COX11: variants seen among roughly 807,000 people sequenced by gnomAD.
COX11 encodes cytochrome c oxidase copper chaperone COX11, also known as cytochrome c oxidase assembly protein COX11, mitochondrial.
Under a neutral mutation model 29.4 loss-of-function variants are expected in COX11, and 18 were observed. That is an observed-to-expected ratio of 0.61 (90% CI 0.42 to 0.91). The LOEUF is 0.91. COX11 is among the 40% of genes least tolerant of loss of function. COX11 has a pLI of 0.00. For synonymous variants in COX11, 131 were observed against 124.0 expected (o/e 1.06, Z -0.38); for missense variants, 312 against 346.0 (o/e 0.90, Z 0.78).
upstream of COX11, chr17:54,968,717 C>G (rs917171520): frequency 6.6e-7 from 1 of 1,522,498 alleles, no homozygotes; most frequent in Non-Finnish European, 8.8e-7. Flanking sequence ...TGCTCCGTCT[C>G]GCGAGATCTG....
rs1310473186 is a variant in COX11 at position 54,967,042 on chromosome 17, G to GCGCACACA, written c.366+1238_366+1239insTGTGTGCG. On this transcript the variant is annotated intron_variant, in intron 1 of 3. Coordinates refer to ENST00000299335, the MANE Select transcript of COX11 (RefSeq NM_004375.5). Reference sequence around the variant, plus strand: ...TAAATAAATAAACGTGCGCGCGCGCGCACACACACACACACACACACACAC... The same window carrying GCGCACACA: ...TAAATAAATAAACGTGCGCGCGCGCGCGCACACACACACACACACACACACACACACAC... 8.6e-3 allele frequency among the ~76,000 whole-genome samples: 822 copies of GCGCACACA among 96,044 alleles called. 7 individuals are homozygous for GCGCACACA. Among genetic ancestry groups the GCGCACACA allele is most frequent in the East Asian group, 0.067 (270 of 4,020 alleles). 63.0% of individuals were successfully genotyped at this position (96,044 alleles called of 152,430 possible).
At chr17:54,958,895 T>C (rs939076113), downstream of COX11, among the ~76,000 whole-genome samples, 3 of 151,918 alleles carry the variant, frequency 2.0e-5, no homozygotes, top group African/African-American at 7.3e-5. Context: ...GAAGGAGAGG[T>C]TGAAGACTCA....
downstream of COX11, chr17:54,956,957 T>G (rs1265647106): frequency 6.6e-6 from 1 of 152,156 alleles, no homozygotes; most frequent in Non-Finnish European, 1.5e-5. Flanking sequence ...AGCTATAGCA[T>G]CTCCCAGGGT....
At position 54,968,401 on chromosome 17, in the gene COX11, G is replaced by T; in HGVS notation, c.246C>A (p.Arg82=). ...GCCGCCGCCGCTCCTCCTCCTGCGC[G>T]CGTGTGAAAGGGTTCGAGCTCTTAG... The part of the protein sequence containing the change: ...RRPKSSNPFT[R]AQEEERRRQN... Residue 82 remains arginine (R), a synonymous_variant, in exon 1 of 4, where the codon CGC becomes CGA. Transcript: ENST00000299335. The T allele has an allele frequency of 1.9e-6, 3 of 1,613,382 alleles. No homozygotes were observed. Among genetic ancestry groups the T allele is most frequent in the Non-Finnish European group, 2.5e-6 (3 of 1,180,002 alleles).
At position 54,968,622 on chromosome 17, in the gene COX11, A is replaced by G. The variant is rs748702780; in HGVS notation, c.25T>C (p.Trp9Arg). Reference protein sequence around the residue: MGGLWRPGWRCVPFCGWRW... With the variant: MGGLWRPGRRCVPFCGWRW... ...CAGCCACAGAAAGGAACGCACCTCC[A>G]TCCAGGACGCCAGAGCCCTCCCATA... Residue 9 changes from tryptophan (W) to arginine (R), a missense_variant, in exon 1 of 4, where the codon TGG becomes CGG. Trp to Arg is a moderately radical substitution (Grantham distance 101, BLOSUM62 -3). Coordinates refer to ENST00000299335, the MANE Select transcript of COX11 (RefSeq NM_004375.5). 18 of 1,612,586 alleles carry G rather than the reference A, an allele frequency of 1.1e-5. No homozygotes were observed. The South Asian group carries it at 1.9e-4, about 17-fold the overall frequency.
At chr17:54,966,069 T>A (rs1300760703) in intron 1 of COX11, among the ~76,000 whole-genome samples, 1 of 152,212 alleles carries the variant, frequency 6.6e-6, no homozygotes, top group Non-Finnish European at 1.5e-5. Context: ...TTACATTATA[T>A]CCCTAAAAGA....
chr17:54,958,592 G>A (rs568510118), downstream of COX11, among the ~76,000 whole-genome samples: 12 of 152,240 alleles, frequency 7.9e-5, no homozygotes, highest in East Asian at 1.9e-4. Flanking sequence ...TTAGCCAGGC[G>A]TGGTAGCGGG....
intron 1 of COX11, among the ~76,000 whole-genome samples, chr17:54,965,775 G>A (rs947629852): frequency 8.7e-5 from 13 of 149,148 alleles, no homozygotes; most frequent in African/African-American, 2.5e-4. Flanking sequence ...AGGTTGCAGT[G>A]AGCCGAGATC....
Position 54,963,309 on chromosome 17 carries a change from T to C in COX11, c.645A>G (p.Ile215Met). 1.2e-6 allele frequency: 2 copies of C among 1,609,830 alleles called. No homozygotes were observed. The highest frequency in any genetic ancestry group is 2.2e-5 in the South Asian group (2 of 90,282). The change falls in exon 3 of 4, where the codon ATA becomes ATG. Residue 215 changes from isoleucine to methionine, a missense_variant. Around this residue, in one of 2 missense-constraint regions of COX11, gnomAD observed 182 missense variants for 240.0 expected, o/e 0.76. Coordinates refer to ENST00000299335, the MANE Select transcript of COX11 (RefSeq NM_004375.5). ...TAAAGTTTACACTTTGATGTACCTG[T>C]ATTTTATTGAAATACTGTCCAGCTT... Reference protein sequence around the residue: ...PFEAGQYFNKIQCFCFEEQRL... With the variant: ...PFEAGQYFNKMQCFCFEEQRL...
In COX11 at chr17:54,964,745, C is replaced by A. The variant is rs1279068424; in HGVS notation, c.474G>T (p.Val158=). The part of the protein sequence containing the change: ...RIIKISFNAD[V]HASLQWNFRP... ...TAAAGTTCCACTGGAGACTTGCATG[C>A]ACATCTGCATTAAAGCTAATTTTAA... Residue 158 remains valine, a synonymous_variant, in exon 2 of 4, where the codon GTG becomes GTT. Coordinates refer to ENST00000299335, the MANE Select transcript of COX11 (RefSeq NM_004375.5). The A allele has an allele frequency of 3.1e-6, 5 of 1,613,964 alleles. No homozygotes were observed. Among genetic ancestry groups the A allele is most frequent in the Non-Finnish European group, 4.2e-6 (5 of 1,179,928 alleles).
In COX11 at chr17:54,961,184, G is replaced by C. The variant is rs2077114190; in HGVS notation, c.*1549C>G. On this transcript the variant is annotated 3_prime_UTR_variant, in exon 4 of 4. Coordinates refer to ENST00000299335, the MANE Select transcript of COX11 (RefSeq NM_004375.5). ...AGACAAGAGAGTTATCAAGGAATGG[G>C]GAAAGAGAAGGACAGGATGAATACT... The C allele has an allele frequency of 1.7e-6, 2 of 1,209,608 alleles. No homozygotes were observed. The highest frequency in any genetic ancestry group is 2.4e-6 in the Non-Finnish European group (2 of 836,300). The allele number at this position is 1,209,608 out of a possible 1,614,324, so 74.9% of individuals were successfully genotyped here.
Position 54,964,783 on chromosome 17 carries a change from T to G in COX11, c.436A>C (p.Lys146Gln). 1 of 1,613,956 alleles carries G rather than the reference T, an allele frequency of 6.2e-7. No homozygotes were observed. The highest frequency in any genetic ancestry group is 8.5e-7 in the Non-Finnish European group (1 of 1,179,946). The change falls in exon 2 of 4, where the codon AAA (lysine) becomes CAA (glutamine). Residue 146 changes from lysine (K) to glutamine (Q), a missense_variant. Lys to Gln is a moderately conservative substitution (Grantham distance 53). Transcript: ENST00000299335. ...AAGCTAATTTTAATGATTCGATCTT[T>G]AACAGGCACCATGTTTTCAATCTTG... Reference protein sequence around the residue: ...SDKIENMVPVKDRIIKISFNA... With the variant: ...SDKIENMVPVQDRIIKISFNA...
chr17:54,963,263 A>C (rs775681804), intron 3 of COX11, 43 bp downstream of exon 3: 1 of 1,577,672 alleles, frequency 6.3e-7, no homozygotes, highest in South Asian at 1.2e-5. Context: ...AAACCGTTTC[A>C]TGTATCTTTA....
chr17:54,955,279 G>C (rs546820212), upstream of COX11: 18 of 152,382 alleles, frequency 1.2e-4, no homozygotes, highest in African/African-American at 4.3e-4. Context: ...ATCTCATGGA[G>C]ACAATGAAGT....
At chr17:54,966,050 A>T (rs888550532) in intron 1 of COX11, among the ~76,000 whole-genome samples, 8 of 152,236 alleles carry the variant, frequency 5.3e-5, no homozygotes, top group Non-Finnish European at 1.2e-4. Flanking sequence ...GCCATGCAAC[A>T]TTACTGAATT....
rs2077122962 is a variant in COX11 at position 54,961,444 on chromosome 17, T to C, written c.*1289A>G. 3 of 1,497,168 alleles carry C rather than the reference T, an allele frequency of 2.0e-6. No homozygotes were observed. The highest frequency in any genetic ancestry group is 4.7e-5 in the Admixed American group (2 of 42,518). 92.7% of individuals were successfully genotyped at this position (1,497,168 alleles called of 1,614,324 possible). On this transcript the variant is annotated 3_prime_UTR_variant, in exon 4 of 4. Transcript: ENST00000299335. ...AGCGTGAGATTTCAACAGAACTTGT[T>C]TGGAACAAATACTCACTTAAAACTT...
chr17:54,958,816 T>C (rs1324525354), downstream of COX11, among the ~76,000 whole-genome samples: 2 of 151,546 alleles, frequency 1.3e-5, no homozygotes, highest in Non-Finnish European at 2.9e-5. Context: ...AAGGCTGTAC[T>C]TTGTATAAAA....
At chr17:54,959,201 G>C (rs1192123120), downstream of COX11, 1 of 152,180 alleles carries the variant, frequency 6.6e-6, no homozygotes, top group East Asian at 1.9e-4. Context: ...GGTGATCATG[G>C]TTTCATAGCG....
At chr17:54,965,738 G>T (rs557977183) in intron 1 of COX11, among the ~76,000 whole-genome samples, 38 of 151,610 alleles carry the variant, frequency 2.5e-4, no homozygotes, top group Non-Finnish European at 4.9e-4. Flanking sequence ...GGCTGAGGCA[G>T]AAGAATTGCT....
Sources: gnomAD v4.1 joint callset for allele counts (sites outside exome capture counted in the v4.1 genomes callset) on GRCh38, gnomAD v4.1.1 for gene constraint, gnomAD v4.1.1 regional missense constraint, MANE v1.5 for transcripts, NCBI Gene and HGNC (gene_info 2026-07-23, HGNC 2026-07-21) for gene names.